The following PRRC2B variants were observed in gnomAD, a reference collection of about 807,000 sequenced individuals.
PRRC2B encodes the protein proline rich coiled-coil 2B, also known as protein PRRC2B.
Under a neutral mutation model 242.3 loss-of-function variants are expected in PRRC2B, and 68 were observed. The observed-to-expected ratio is 0.28, with a 90% CI of 0.23 to 0.34. PRRC2B has a LOEUF of 0.34. Among genes scored for constraint, PRRC2B ranks in the 10% least tolerant of loss-of-function variants. The probability of loss-of-function intolerance (pLI) is 1.00; values close to 1 mark genes in which losing one functional copy is unlikely to be tolerated. For synonymous variants in PRRC2B, 1,228 were observed against 1,173.6 expected, an observed-to-expected ratio of 1.05 and a Z score of -0.95; for missense variants, 2,835 against 2,954.8, an observed-to-expected ratio of 0.96 and a Z score of 0.94.
chr9:131,474,134 G>C (rs1588272971), intron 15 of PRRC2B, among the ~76,000 whole-genome samples: 1 of 152,100 alleles, frequency 6.6e-6, no homozygotes, highest in East Asian at 1.9e-4. Flanking sequence ...TTGACCCGGA[G>C]GATTGCCTGG....
rs1943902043 is a variant in PRRC2B, at chr9:131,482,632, C to T, written c.5175+70C>T. The T allele has an allele frequency of 3.9e-6, 6 of 1,525,008 alleles. No homozygotes were observed. The East Asian group carries it at 1.4e-4, about 35-fold the overall frequency. The allele number at this position is 1,525,008 out of a possible 1,614,324, so 94.5% of individuals were successfully genotyped here. A position where few individuals can be genotyped will look rare whatever the true frequency, so the allele number is the denominator to read the frequency against. On this transcript the variant is annotated intron_variant, in intron 21 of 31. Coordinates refer to ENST00000683519, the MANE Select transcript of PRRC2B (RefSeq NM_013318.4). This position sits in a 1 kb window ranked among gnomAD's most constrained non-coding sequence, Gnocchi z 5.2. ...GGGGCCATCGTCTCATCATCTTCCT[C>T]AATTCCTGGGACAGTAGAAGCTAGA... is the stretch of plus-strand genomic sequence containing the variant.
chr9:131,424,702 A>T (rs1837935451), intron 1 of PRRC2B, among the ~76,000 whole-genome samples: 1 of 152,166 alleles, frequency 6.6e-6, no homozygotes, highest in Admixed American at 6.6e-5. Context: ...AGAAAAGAAA[A>T]GAAAAGATGG....
chr9:131,487,373 C>A lies in PRRC2B; in HGVS notation c.5984+79C>A. On this transcript the variant is annotated intron_variant, in intron 27 of 31. Coordinates refer to ENST00000683519, the MANE Select transcript of PRRC2B (RefSeq NM_013318.4). The surrounding 1 kb of genome is among the most constrained non-coding windows in gnomAD (Gnocchi z 5.3). Reference sequence around the variant, plus strand: ...CCTGTGTGCAGCCTTCGTCCTGCAGCTGTTTGGTGCTTGTCTGCTTTGGGG... The same window carrying A: ...CCTGTGTGCAGCCTTCGTCCTGCAGATGTTTGGTGCTTGTCTGCTTTGGGG... 1 of 1,065,304 alleles carries A rather than the reference C, an allele frequency of 9.4e-7. No homozygotes were observed. Among genetic ancestry groups the A allele is most frequent in the Non-Finnish European group, 1.3e-6 (1 of 791,018 alleles). The allele number at this position is 1,065,304 out of a possible 1,614,324, so 66.0% of individuals were successfully genotyped here.
intron 14 of PRRC2B, among the ~76,000 whole-genome samples, chr9:131,472,856 T>A (rs1943584453): frequency 6.6e-6 from 1 of 152,208 alleles, no homozygotes; most frequent in South Asian, 2.1e-4. Flanking sequence ...TTTCTGTGCC[T>A]TTTCTTCTAA....
intron 4 of PRRC2B, among the ~76,000 whole-genome samples, chr9:131,438,783 C>G (rs1260623040): frequency 6.6e-6 from 1 of 152,094 alleles, no homozygotes; most frequent in African/African-American, 2.4e-5. Flanking sequence ...GTGGGCCTGG[C>G]ATTTTCTCGT....
intron 1 of PRRC2B, among the ~76,000 whole-genome samples, chr9:131,408,625 C>T (rs1007857468): frequency 3.9e-5 from 6 of 152,164 alleles, no homozygotes; most frequent in African/African-American, 1.4e-4. Context: ...ACCATGACTG[C>T]TAATATGAAT....
chr9:131,487,900 T>C lies in PRRC2B; in HGVS notation c.6029T>C (p.Met2010Thr). 1.2e-6 allele frequency: 2 copies of C among 1,613,706 alleles called. No individual in the cohort carries two copies. The highest frequency in any genetic ancestry group is 1.7e-6 in the Non-Finnish European group (2 of 1,179,636). ...CCCAGCCTGTCACCGCCCAGCACCA[T>C]GATCCTCTCTGGGGGCACAGCCTTG... ...MHPSLSPPST[M>T]ILSGGTALKP... The change falls in exon 28 of 32, where the codon ATG becomes ACG. Residue 2010 changes from methionine to threonine, a missense_variant. Transcript: ENST00000683519. This position sits in a 1 kb window ranked among gnomAD's most constrained non-coding sequence, Gnocchi z 5.3.
At chr9:131,402,111 A>G (rs928860671) in intron 1 of PRRC2B, among the ~76,000 whole-genome samples, 1 of 151,956 alleles carries the variant, frequency 6.6e-6, no homozygotes, top group African/African-American at 2.4e-5. Context: ...CTGGGATTAC[A>G]GGTCTGGCTA....
intron 1 of PRRC2B, among the ~76,000 whole-genome samples, chr9:131,394,781 C>T (rs1315436575): frequency 2.0e-5 from 3 of 151,150 alleles, no homozygotes; most frequent in Non-Finnish European, 4.4e-5. Context: ...CCGTTCCTGG[C>T]GCGGGGTGGG....
intron 1 of PRRC2B, among the ~76,000 whole-genome samples, chr9:131,425,913 G>A (rs1837962491): frequency 6.6e-6 from 1 of 151,852 alleles, no homozygotes; most frequent in Non-Finnish European, 1.5e-5. Context: ...GGAAGCTGAG[G>A]CAGGTGAATC....
intron 6 of PRRC2B, among the ~76,000 whole-genome samples, chr9:131,444,775 CT>C (rs1175779502): frequency 2.6e-5 from 4 of 152,184 alleles, no homozygotes; most frequent in Non-Finnish European, 5.9e-5. Context: ...TAACCCATTC[CT>C]CTGGGGATTG....
chr9:131,428,243 T>C (rs917145619), intron 1 of PRRC2B, among the ~76,000 whole-genome samples: 6 of 151,738 alleles, frequency 4.0e-5, no homozygotes, highest in Admixed American at 3.9e-4. Context: ...TTTTAAGAGA[T>C]AGGATCTTGC....
intron 1 of PRRC2B, among the ~76,000 whole-genome samples, chr9:131,425,958 G>C (rs560485039): frequency 6.6e-6 from 1 of 151,128 alleles, no homozygotes; most frequent in African/African-American, 2.4e-5. Flanking sequence ...GCAGTGAGCC[G>C]AGATCATGCC....
intron 3 of PRRC2B, among the ~76,000 whole-genome samples, chr9:131,435,181 C>T (rs1170674700): frequency 6.6e-6 from 1 of 151,870 alleles, no homozygotes; most frequent in East Asian, 1.9e-4. Context: ...GCCTGTAATC[C>T]CAGCTACTTG....
At chr9:131,436,521 T>C in intron 3 of PRRC2B, 99 bp from the exon 4 acceptor site, 1 of 886,678 alleles carries the variant, frequency 1.1e-6, no homozygotes, top group South Asian at 1.6e-5. Flanking sequence ...GGAGGTCTGC[T>C]TCCTGTGAGC....
At position 131,455,059 on chromosome 9, in the gene PRRC2B, C is replaced by T; in HGVS notation, c.1121-17C>T. Reference sequence around the variant, plus strand: ...TTCATTCTTTCTCATTCTTCCTGGGCCCTCCTGCTGTTGTAGGCCTCCATG... The same window carrying T: ...TTCATTCTTTCTCATTCTTCCTGGGTCCTCCTGCTGTTGTAGGCCTCCATG... On this transcript the variant is annotated splice_polypyrimidine_tract_variant and intron_variant, in intron 9 of 31. Transcript: ENST00000683519. The T allele has an allele frequency of 1.9e-6, 3 of 1,594,138 alleles. No homozygotes were observed. The highest frequency in any genetic ancestry group is 2.6e-6 in the Non-Finnish European group (3 of 1,163,710).
At chr9:131,433,406 T>C (rs1308626580) in intron 3 of PRRC2B, among the ~76,000 whole-genome samples, 1 of 152,082 alleles carries the variant, frequency 6.6e-6, no homozygotes. Flanking sequence ...GGGCAGAGGG[T>C]GGCATGGTGC....
At chr9:131,426,424 C>T (rs1837979730) in intron 1 of PRRC2B, among the ~76,000 whole-genome samples, 3 of 151,488 alleles carry the variant, frequency 2.0e-5, no homozygotes, top group Admixed American at 2.0e-4. Context: ...CCATGCCTTT[C>T]TTTTTCTTGA....
intron 1 of PRRC2B, among the ~76,000 whole-genome samples, chr9:131,401,334 C>T (rs1000200770): frequency 6.6e-6 from 1 of 151,936 alleles, no homozygotes; most frequent in African/African-American, 2.4e-5. Context: ...TAGATGCCAA[C>T]TCCCCTCCCC....
Sources: allele counts gnomAD v4.1 joint callset (sites outside exome capture counted in the v4.1 genomes callset), GRCh38; gene constraint gnomAD v4.1.1; non-coding constraint Gnocchi (gnomAD v3.1); transcripts MANE v1.5; gene names NCBI Gene and HGNC (gene_info 2026-07-23, HGNC 2026-07-21).